The following GNA14 variants were observed in gnomAD, a reference collection of about 807,000 sequenced individuals.
GNA14 encodes the protein guanine nucleotide-binding protein subunit alpha-14.
GNA14 carries 50 observed loss-of-function variants against 42.0 expected under a neutral mutation model. The ratio of observed to expected loss-of-function variants is 1.19; its 90% confidence interval spans 0.95 to 1.51. GNA14 has a LOEUF of 1.51. Among genes scored for constraint, GNA14 ranks in the 40% most tolerant of loss-of-function variants. The pLI is 0.00. For missense variants in GNA14, 473 were observed against 446.2 expected (o/e 1.06, Z -0.54); for synonymous variants, 173 against 163.1 (o/e 1.06, Z -0.46).
intron 2 of GNA14, among the ~76,000 whole-genome samples, chr9:77,509,219 C>G (rs138936841): frequency 8.5e-5 from 13 of 152,326 alleles, no homozygotes; most frequent in Non-Finnish European, 1.6e-4. Flanking sequence ...CTTTTTCTGT[C>G]TGGCTTACAT....
At chr9:77,494,087 A>AT (rs935730046) in intron 2 of GNA14, among the ~76,000 whole-genome samples, 5 of 151,772 alleles carry the variant, frequency 3.3e-5, no homozygotes, top group Admixed American at 2.6e-4. Context: ...TGCCCGGCTA[A>AT]TTTTTTTTAA....
At chr9:77,472,088 C>T (rs969429915) in intron 2 of GNA14, among the ~76,000 whole-genome samples, 4 of 152,018 alleles carry the variant, frequency 2.6e-5, no homozygotes, top group South Asian at 4.1e-4. Flanking sequence ...AGTGCTTGTC[C>T]AAGTAAAACC....
At chr9:77,572,011 G>A (rs983676355) in intron 1 of GNA14, among the ~76,000 whole-genome samples, 26 of 152,070 alleles carry the variant, frequency 1.7e-4, no homozygotes, top group Middle Eastern at 6.8e-3. Context: ...GGTTTCTAGC[G>A]ATTTCAATTG....
At chr9:77,528,799 C>T (rs1455429187) in intron 2 of GNA14, among the ~76,000 whole-genome samples, 2 of 152,146 alleles carry the variant, frequency 1.3e-5, no homozygotes, top group Non-Finnish European at 2.9e-5. Flanking sequence ...ACTTCCTTTT[C>T]TCAGCGCCGG....
At position 77,615,908 on chromosome 9, in the gene GNA14, C is replaced by A. The variant is rs570336426; in HGVS notation, c.124+31762G>T. On this transcript the variant is annotated intron_variant, in intron 1 of 6. Transcript: ENST00000341700. The stretch of plus-strand genomic sequence containing the variant: ...AATCCCAAAGTAGATAACATAGAGT[C>A]AAAGGGAAAGAGCAAGATTTTTGTT... Among the ~76,000 whole-genome samples the A allele has an allele frequency of 2.6e-5, 4 of 151,560 alleles. No individual in the cohort carries two copies. In the South Asian group the frequency reaches 8.3e-4, roughly 32 times the overall value.
chr9:77,647,587 G>A (rs1824378605), intron 1 of GNA14, 83 bp downstream of exon 1: 1 of 1,479,418 alleles, frequency 6.8e-7, no homozygotes, highest in Admixed American at 2.2e-5. Flanking sequence ...GGGCTCCAGG[G>A]CCGCGCGGGT....
At chr9:77,437,819 G>A (rs1280949802) in intron 2 of GNA14, among the ~76,000 whole-genome samples, 1 of 152,120 alleles carries the variant, frequency 6.6e-6, no homozygotes, top group Non-Finnish European at 1.5e-5. Flanking sequence ...TGGATATGTG[G>A]CACGAGTGAG....
chr9:77,516,089 A>C (rs1294999413), intron 2 of GNA14, among the ~76,000 whole-genome samples: 1 of 151,928 alleles, frequency 6.6e-6, no homozygotes, highest in Non-Finnish European at 1.5e-5. Context: ...GAGTCACTGA[A>C]GACTTAGAGG....
intron 1 of GNA14, among the ~76,000 whole-genome samples, chr9:77,577,761 G>A (rs1176295927): frequency 6.6e-6 from 1 of 152,068 alleles, no homozygotes; most frequent in Non-Finnish European, 1.5e-5. Context: ...GTTGCAGGAG[G>A]TACTTTGGAA....
intron 1 of GNA14, among the ~76,000 whole-genome samples, chr9:77,551,513 A>AT (rs1554697816): frequency 6.9e-6 from 1 of 144,600 alleles, no homozygotes; most frequent in African/African-American, 2.6e-5. Context: ...ACACTCACCC[A>AT]CCCCCCCTTC....
At chr9:77,441,006 G>A (rs762101072) in intron 2 of GNA14, among the ~76,000 whole-genome samples, 29 of 152,230 alleles carry the variant, frequency 1.9e-4, no homozygotes, top group Non-Finnish European at 3.4e-4. Context: ...GTGAGCCACC[G>A]CGCCCAGCCT....
At chr9:77,433,369 A>ATTAT (rs371802486) in intron 3 of GNA14, among the ~76,000 whole-genome samples, 2,877 of 151,992 alleles carry the variant, frequency 0.019, 67 homozygotes, top group African/African-American at 0.057. Context: ...CCGGGATATT[A>ATTAT]TTATTTATTT....
intron 2 of GNA14, among the ~76,000 whole-genome samples, chr9:77,436,008 A>AC (rs1211286896): frequency 6.6e-6 from 1 of 152,162 alleles, no homozygotes; most frequent in Non-Finnish European, 1.5e-5. Context: ...TGTAGACGGT[A>AC]CCTCCTGAAA....
In GNA14 at chr9:77,514,608, A is replaced by AT. The variant is rs34158312; in HGVS notation, c.309+14460dup. 4.1e-3 allele frequency among the ~76,000 whole-genome samples: 560 copies of AT among 136,670 alleles called. 5 individuals carry two copies. Among genetic ancestry groups the AT allele is most frequent in the Middle Eastern group, 0.015 (4 of 260 alleles). The allele number at this position is 136,670 out of a possible 152,430, so 89.7% of individuals were successfully genotyped here. The stretch of plus-strand genomic sequence containing the variant: ...CAAAGAAAGTCTTCTATAATATCAG[A>AT]TTTTTTTTTTTTTTTTTTTTTTTGA... On this transcript the variant is annotated intron_variant, in intron 2 of 6. Coordinates refer to ENST00000341700, the MANE Select transcript of GNA14 (RefSeq NM_004297.4).
intron 1 of GNA14, among the ~76,000 whole-genome samples, chr9:77,571,580 C>G (rs544249759): frequency 7.9e-4 from 120 of 152,130 alleles, no homozygotes; most frequent in Non-Finnish European, 1.5e-3. Flanking sequence ...GCGGGCAGAT[C>G]ACATGAGGTC....
chr9:77,620,783 G>T (rs1351328569), intron 1 of GNA14, among the ~76,000 whole-genome samples: 2 of 149,196 alleles, frequency 1.3e-5, no homozygotes, highest in African/African-American at 5.0e-5. Context: ...GCGAGGTGGA[G>T]GTTGCAGTGA....
chr9:77,425,845 G>A (rs1157583999), intron 5 of GNA14, 130 bp from the exon 6 acceptor site: 1 of 731,170 alleles, frequency 1.4e-6, no homozygotes, highest in Non-Finnish European at 2.2e-6. Flanking sequence ...TGCTGAAGCT[G>A]GTGAGCATGT....
chr9:77,529,228 G>C lies in GNA14; in HGVS notation c.150C>G (p.Thr50=), dbSNP rs140939256. Residue 50 remains threonine, a synonymous_variant, in exon 2 of 7, where the codon ACC becomes ACG. Transcript: ENST00000341700. ...GGATAATTCTCATCTGCTTGATAAA[G>C]GTGCTTTTCCCACTTTCACCAGTTC... ...LLGTGESGKS[T]FIKQMRIIHG... 15 of 1,613,894 alleles carry C rather than the reference G, an allele frequency of 9.3e-6. No homozygotes were observed. Among genetic ancestry groups the C allele is most frequent in the Admixed American group, 5.0e-5 (3 of 59,984 alleles).
chr9:77,607,503 C>T (rs948354032), intron 1 of GNA14, among the ~76,000 whole-genome samples: 7 of 152,074 alleles, frequency 4.6e-5, no homozygotes, highest in African/African-American at 1.7e-4. Context: ...TGCAGATAAC[C>T]TTCATCTGCA....
Sources: allele counts gnomAD v4.1 joint callset (sites outside exome capture counted in the v4.1 genomes callset), GRCh38; gene constraint gnomAD v4.1.1; transcripts MANE v1.5; gene names NCBI Gene and HGNC (gene_info 2026-07-23, HGNC 2026-07-21).